Variants in KLHL36 observed in about 807,000 individuals in gnomAD.
KLHL36 encodes the protein kelch like family member 36, also known as kelch-like protein 36.
A neutral mutation model predicts 53.3 loss-of-function variants in KLHL36; 35 were observed. The observed-to-expected ratio is 0.66, with a 90% CI of 0.50 to 0.87. The LOEUF is 0.87. Among genes scored for constraint, KLHL36 ranks in the 40% least tolerant of loss-of-function variants. KLHL36 has a pLI of 0.00. For missense variants in KLHL36, 864 were observed against 897.6 expected (o/e 0.96, Z 0.48); for synonymous variants, 472 against 398.9 (o/e 1.18, Z -2.18).
Position 84,657,050 on chromosome 16 carries a change from A to C in KLHL36, c.243A>C (p.Glu81Asp). The stretch of plus-strand genomic sequence containing the variant: ...CCATGTTCACCATCGGCATGCGGGA[A>C]GCTTTCCAGAAGGAGGTGGAGCTGA... ...FNSMFTIGMR[E>D]AFQKEVELIG... Residue 81 changes from glutamate to aspartate, a missense_variant, in exon 3 of 5, where the codon GAA becomes GAC. Coordinates refer to ENST00000564996, the MANE Select transcript of KLHL36 (RefSeq NM_024731.4). 1 of 1,614,196 alleles carries C rather than the reference A, an allele frequency of 6.2e-7. No individual in the cohort carries two copies. Among genetic ancestry groups the C allele is most frequent in the Non-Finnish European group, 8.5e-7 (1 of 1,180,032 alleles).
At chr16:84,650,082 C>A (rs1378855315) in intron 1 of KLHL36, among the ~76,000 whole-genome samples, 1 of 151,908 alleles carries the variant, frequency 6.6e-6, no homozygotes, top group East Asian at 1.9e-4. Context: ...AGCTGGAATC[C>A]CAATTCTGCC....
At position 84,664,410 on chromosome 16, in the gene KLHL36, C is replaced by G. The variant is rs1222709490; in HGVS notation, c.*2277C>G. ...AGAGCCATTGGTTTTCAGCCTAAGC[C>G]AGCTCTTTTATGTTTTGCTTCTGGG... is the stretch of plus-strand genomic sequence containing the variant. On this transcript the variant is annotated 3_prime_UTR_variant, in exon 5 of 5. Coordinates refer to ENST00000564996, the MANE Select transcript of KLHL36 (RefSeq NM_024731.4). 6.6e-6 allele frequency: 1 copy of G among 152,168 alleles called. No individual in the cohort carries two copies. The highest frequency in any genetic ancestry group is 2.4e-5 in the African/African-American group (1 of 41,412). 9.4% of individuals were successfully genotyped at this position (152,168 alleles called of 1,614,324 possible). A position where few individuals can be genotyped will look rare whatever the true frequency, so the allele number is the denominator to read the frequency against.
At chr16:84,658,139 C>T (rs1180572423) in intron 3 of KLHL36, 195 bp downstream of exon 3, 4 of 495,824 alleles carry the variant, frequency 8.1e-6, no homozygotes, top group Non-Finnish European at 1.4e-5. Flanking sequence ...CCCACCCCTT[C>T]GAGGGGTCCG....
rs1269853656 is a variant in KLHL36 at position 84,664,309 on chromosome 16, G to A, written c.*2176G>A. 2 of 152,194 alleles carry A rather than the reference G, an allele frequency of 1.3e-5. No individual in the cohort carries two copies. Among genetic ancestry groups the A allele is most frequent in the African/African-American group, 4.8e-5 (2 of 41,426 alleles). The allele number at this position is 152,194 out of a possible 1,614,324, so 9.4% of individuals were successfully genotyped here. ...GGCAGTTGTTTGGCCTGAATCTCGG[G>A]GCAAGTTGGGGAGAGCACATAGAAA... On this transcript the variant is annotated 3_prime_UTR_variant, in exon 5 of 5. Coordinates refer to ENST00000564996, the MANE Select transcript of KLHL36 (RefSeq NM_024731.4).
intron 1 of KLHL36, among the ~76,000 whole-genome samples, chr16:84,650,052 A>G (rs1397637941): frequency 6.6e-6 from 1 of 151,404 alleles, no homozygotes; most frequent in Non-Finnish European, 1.5e-5. Flanking sequence ...CTAAGAGTTA[A>G]GAGCATGGGC....
At position 84,657,302 on chromosome 16, in the gene KLHL36, C is replaced by T. The variant is rs1437511801; in HGVS notation, c.495C>T (p.Ala165=). ...ASIYSLKRLD[A]FIDGFILNHF... is the part of the protein sequence containing the mutation. ...TCTACAGCCTCAAGCGGCTTGATGC[C>T]TTCATCGATGGCTTCATCCTGAACC... Residue 165 remains alanine (A), a synonymous_variant, in exon 3 of 5, where the codon GCC becomes GCT. Transcript: ENST00000564996. 1.9e-6 allele frequency: 3 copies of T among 1,613,940 alleles called. No individual in the cohort carries two copies. Among genetic ancestry groups the T allele is most frequent in the East Asian group, 2.2e-5 (1 of 44,888 alleles).
chr16:84,658,037 A>G, intron 3 of KLHL36, 93 bp downstream of exon 3: 1 of 910,076 alleles, frequency 1.1e-6, no homozygotes, highest in Non-Finnish European at 1.6e-6. Flanking sequence ...TGGGGCCTTG[A>G]CAACTATCCT....
At chr16:84,650,352 C>G (rs1906784409) in intron 1 of KLHL36, among the ~76,000 whole-genome samples, 1 of 152,096 alleles carries the variant, frequency 6.6e-6, no homozygotes, top group Non-Finnish European at 1.5e-5. Context: ...GTGATGGATC[C>G]AGGTTTTGAA....
chr16:84,661,458 A>T lies in KLHL36; in HGVS notation c.1296-120A>T. ...TCTATAGAGTGTTCATGGGGTGCCC[A>T]CTCCCTATATTCTTAAATCCTCATG... On this transcript the variant is annotated intron_variant, in intron 4 of 4. Coordinates refer to ENST00000564996, the MANE Select transcript of KLHL36 (RefSeq NM_024731.4). The surrounding 1 kb of genome is among the most constrained non-coding windows in gnomAD (Gnocchi z 7.9). 1 of 974,200 alleles carries T rather than the reference A, an allele frequency of 1.0e-6. No individual in the cohort carries two copies. Among genetic ancestry groups the T allele is most frequent in the East Asian group, 2.4e-5 (1 of 40,982 alleles). The allele number at this position is 974,200 out of a possible 1,614,324, so 60.3% of individuals were successfully genotyped here. A position where few individuals can be genotyped will look rare whatever the true frequency, so the allele number is the denominator to read the frequency against.
chr16:84,649,834 A>T (rs1322128571), intron 1 of KLHL36, among the ~76,000 whole-genome samples: 1 of 152,048 alleles, frequency 6.6e-6, no homozygotes, highest in Non-Finnish European at 1.5e-5. Context: ...AACTCTTCTC[A>T]TGAACTCAAA....
chr16:84,653,764 T>C (rs1350030913), intron 2 of KLHL36, among the ~76,000 whole-genome samples: 1 of 137,408 alleles, frequency 7.3e-6, no homozygotes, highest in Non-Finnish European at 1.5e-5. Flanking sequence ...CGCCTGAACC[T>C]GGGAGGCGGA....
chr16:84,653,172 G>T (rs546583450), intron 2 of KLHL36, among the ~76,000 whole-genome samples: 1 of 152,006 alleles, frequency 6.6e-6, no homozygotes, highest in South Asian at 2.1e-4. Context: ...AGCTATGATC[G>T]CACCACTGTA....
intron 2 of KLHL36, among the ~76,000 whole-genome samples, chr16:84,654,874 T>C (rs1907109822): frequency 6.6e-6 from 1 of 152,174 alleles, no homozygotes; most frequent in South Asian, 2.1e-4. Context: ...CCTCCCAAAG[T>C]ACTGGGATTC....
intron 1 of KLHL36, 111 bp from the exon 2 acceptor site, chr16:84,650,741 C>T (rs892888168): frequency 1.1e-5 from 8 of 746,018 alleles, no homozygotes; most frequent in African/African-American, 3.6e-5. Flanking sequence ...CTCCCTCCTT[C>T]TTCCGTGTGA....
chr16:84,660,008 C>T (rs1349352993), intron 4 of KLHL36, 91 bp downstream of exon 4: 2 of 1,239,066 alleles, frequency 1.6e-6, no homozygotes, highest in East Asian at 4.8e-5. Flanking sequence ...GGCATGTTGG[C>T]CTCCAATTCC....
chr16:84,656,291 C>T (rs959698132), intron 2 of KLHL36, among the ~76,000 whole-genome samples: 1 of 147,038 alleles, frequency 6.8e-6, no homozygotes, highest in Non-Finnish European at 1.5e-5. Context: ...TTTTTTGAGA[C>T]GGAGTTCTTG....
In KLHL36 at chr16:84,657,022, A is replaced by G. The variant is rs961622978; in HGVS notation, c.215A>G (p.Asn72Ser). 16 of 1,614,028 alleles carry G rather than the reference A, an allele frequency of 9.9e-6. No homozygotes were observed. Among genetic ancestry groups the G allele is most frequent in the Non-Finnish European group, 1.4e-5 (16 of 1,180,006 alleles). The stretch of plus-strand genomic sequence containing the variant: ...CTGGCCGTGTGCAGCGACTACTTCA[A>G]CTCCATGTTCACCATCGGCATGCGG... Reference protein sequence around the residue: ...NLLAVCSDYFNSMFTIGMREA... With the variant: ...NLLAVCSDYFSSMFTIGMREA... Residue 72 changes from asparagine to serine, a missense_variant, in exon 3 of 5, where the codon AAC becomes AGC. Physicochemically the swap from Asn to Ser is conservative, Grantham distance 46 (BLOSUM62 1). Transcript: ENST00000564996.
Position 84,661,856 on chromosome 16 carries a change from A to T in KLHL36, c.1574A>T (p.Gln525Leu). The change falls in exon 5 of 5, where the codon CAG (glutamine) becomes CTG (leucine). Residue 525 changes from glutamine to leucine, a missense_variant. Transcript: ENST00000564996. This position sits in a 1 kb window ranked among gnomAD's most constrained non-coding sequence, Gnocchi z 7.9. ...GAGGCCTACAGCCCGCAGTGCAACC[A>T]GTGGACCCGCGTGGCGCCGCTGCTG... ...GVEAYSPQCNQWTRVAPLLHA... is the reference protein window; with the variant it reads ...GVEAYSPQCNLWTRVAPLLHA... 1 of 1,602,368 alleles carries T rather than the reference A, an allele frequency of 6.2e-7. No homozygotes were observed. The highest frequency in any genetic ancestry group is 8.5e-7 in the Non-Finnish European group (1 of 1,171,044).
chr16:84,659,695 A>G lies in KLHL36; in HGVS notation c.1138-65A>G, dbSNP rs1038810081. The G allele has an allele frequency of 2.6e-6, 4 of 1,531,724 alleles. No individual in the cohort carries two copies. The African/African-American group carries it at 5.5e-5, about 21-fold the overall frequency. The allele number at this position is 1,531,724 out of a possible 1,614,324, so 94.9% of individuals were successfully genotyped here. ...TTCCGCAGACACATTTGGGAACCGC[A>G]GCGCCAGATGTTGATGCTGTCCCGG... On this transcript the variant is annotated intron_variant, in intron 3 of 4. Coordinates refer to ENST00000564996, the MANE Select transcript of KLHL36 (RefSeq NM_024731.4).
Sources: gnomAD v4.1 joint callset for allele counts (sites outside exome capture counted in the v4.1 genomes callset) on GRCh38, gnomAD v4.1.1 for gene constraint, Gnocchi (gnomAD v3.1) non-coding constraint, MANE v1.5 for transcripts, NCBI Gene and HGNC (gene_info 2026-07-23, HGNC 2026-07-21) for gene names.